Variants in NIPSNAP2 observed in about 807,000 individuals in gnomAD.
The protein encoded by NIPSNAP2 is nipsnap homolog 2, also known as protein NipSnap homolog 2.
NIPSNAP2 carries 42 observed loss-of-function variants against 48.4 expected under a neutral mutation model. That is an observed-to-expected ratio of 0.87 (90% CI 0.68 to 1.12). The LOEUF is 1.12. Ranked by LOEUF, NIPSNAP2 falls within the 50% of genes most tolerant of loss-of-function variation. The probability of loss-of-function intolerance (pLI) is 0.00; values close to 1 mark genes in which losing one functional copy is unlikely to be tolerated. For synonymous variants in NIPSNAP2, 158 were observed against 126.6 expected (o/e 1.25, Z -1.67); for missense variants, 314 against 347.3 (o/e 0.90, Z 0.76).
chr7:55,983,820 G>A lies in NIPSNAP2; in HGVS notation c.537G>A (p.Val179=). 1 of 1,614,018 alleles carries A rather than the reference G, an allele frequency of 6.2e-7. No individual in the cohort carries two copies. Among genetic ancestry groups the A allele is most frequent in the Non-Finnish European group, 8.5e-7 (1 of 1,179,948 alleles). The stretch of plus-strand genomic sequence containing the variant: ...AGTTCAGTTTCTGGAATGAGCCTGT[G>A]CCAAGATCCGGACCTAATATATATG... The part of the protein sequence containing the change: ...LLEFSFWNEP[V]PRSGPNIYEL... The change falls in exon 6 of 10, where the codon GTG becomes GTA. Residue 179 remains valine (V), a synonymous_variant. Transcript: ENST00000322090.
rs776360213 is a variant in NIPSNAP2 at position 55,978,366 on chromosome 7, G to A, written c.249G>A (p.Pro83=). 6 of 1,613,338 alleles carry A rather than the reference G, an allele frequency of 3.7e-6. No individual in the cohort carries two copies. The highest frequency in any genetic ancestry group is 2.2e-5 in the South Asian group (2 of 90,890). ...TTGTTTCAGTTCACAATGTTAAACC[G>A]GAATGCCTAGAAGCATACAACAAAA... is the stretch of plus-strand genomic sequence containing the variant. The part of the protein sequence containing the change: ...LYKLQFHNVK[P]ECLEAYNKIC... Residue 83 remains proline (P), a synonymous_variant, in exon 3 of 10, where the codon CCG becomes CCA. Transcript: ENST00000322090.
intron 7 of NIPSNAP2, chr7:55,991,760 A>AT (rs201610266): frequency 0.13 from 21,631 of 172,574 alleles, 1,556 homozygotes; most frequent in East Asian, 0.21. Context: ...AAAAAAAAAA[A>AT]AAAAAATATA....
chr7:55,981,380 T>A lies in NIPSNAP2; in HGVS notation c.279-93T>A, dbSNP rs1787212573. On this transcript the variant is annotated intron_variant, in intron 3 of 9. Coordinates refer to ENST00000322090, the MANE Select transcript of NIPSNAP2 (RefSeq NM_001483.3). ...TAAGGTCAGTTGTTAGAACACAGAG[T>A]AGGTGGTCTTTTTCCTGTTACTGAT... 3.8e-6 allele frequency: 3 copies of A among 796,288 alleles called. No individual in the cohort carries two copies. The Admixed American group carries it at 5.7e-5, about 15-fold the overall frequency. 49.3% of individuals were successfully genotyped at this position (796,288 alleles called of 1,614,324 possible).
In NIPSNAP2 at chr7:55,999,954, C is replaced by T. The variant is rs931597664; in HGVS notation, c.*882C>T. On this transcript the variant is annotated 3_prime_UTR_variant, in exon 10 of 10. Coordinates refer to ENST00000322090, the MANE Select transcript of NIPSNAP2 (RefSeq NM_001483.3). ...TGTTGAGATTTAAATTGGCATAAAG[C>T]TGCATACTTTTTGTCTAGCTGTTTG... 2.0e-5 allele frequency: 3 copies of T among 152,552 alleles called. No homozygotes were observed. 9.4% of individuals were successfully genotyped at this position (152,552 alleles called of 1,614,324 possible).
chr7:55,966,642 C>T lies in NIPSNAP2; in HGVS notation c.92+1941C>T, dbSNP rs140007955. ...ACAAAAAATACAAAAATTAGCCCGG[C>T]ATGGTGGCACACGCCTGTAGTCCCA... is the stretch of plus-strand genomic sequence containing the variant. On this transcript the variant is annotated intron_variant, in intron 1 of 9. Coordinates refer to ENST00000322090, the MANE Select transcript of NIPSNAP2 (RefSeq NM_001483.3). Among the ~76,000 whole-genome samples the T allele has an allele frequency of 4.6e-5, 7 of 152,154 alleles. No homozygotes were observed. The East Asian group carries it at 9.7e-4, about 21-fold the overall frequency.
chr7:55,987,997 G>T (rs1026107129), intron 7 of NIPSNAP2, among the ~76,000 whole-genome samples: 1 of 152,086 alleles, frequency 6.6e-6, no homozygotes, highest in South Asian at 2.1e-4. Context: ...TTTAGGCCAG[G>T]TGCAGTGGCT....
chr7:55,988,735 T>C (rs569845988), intron 7 of NIPSNAP2, among the ~76,000 whole-genome samples: 4 of 152,068 alleles, frequency 2.6e-5, no homozygotes, highest in Admixed American at 6.6e-5. Context: ...CATGTTGGTG[T>C]GCACCTGTAA....
At chr7:55,988,864 CAAAAA>C (rs34603776) in intron 7 of NIPSNAP2, among the ~76,000 whole-genome samples, 1 of 150,930 alleles carries the variant, frequency 6.6e-6, no homozygotes, top group African/African-American at 2.4e-5. Context: ...GACTCCATCT[CAAAAA>C]AAAGAAAAAA....
intron 9 of NIPSNAP2, among the ~76,000 whole-genome samples, chr7:55,998,650 G>T (rs1395300364): frequency 6.6e-6 from 1 of 151,674 alleles, no homozygotes; most frequent in African/African-American, 2.4e-5. Flanking sequence ...ACAGGCAGGC[G>T]CCACCACACC....
At position 55,982,225 on chromosome 7, in the gene NIPSNAP2, A is replaced by G. The variant is rs144366493; in HGVS notation, c.389A>G (p.Tyr130Cys). ...TGCATTTCAGTCCACCTCTGGAGGT[A>G]TGAAGGAGGCTATCCAGCCCTCACA... ...EQDQAVHLWRYEGGYPALTEV... is the reference protein window; with the variant it reads ...EQDQAVHLWRCEGGYPALTEV... The change falls in exon 5 of 10, where the codon TAT becomes TGT. Residue 130 changes from tyrosine to cysteine, a missense_variant. Around this residue, in one of 2 missense-constraint regions of NIPSNAP2, gnomAD observed 198 missense variants for 185.5 expected, o/e 1.07. Transcript: ENST00000322090. The G allele has an allele frequency of 4.0e-4, 643 of 1,607,342 alleles. 1 individual carries two copies. The highest frequency in any genetic ancestry group is 7.0e-4 in the Admixed American group (42 of 59,932).
intron 7 of NIPSNAP2, among the ~76,000 whole-genome samples, chr7:55,988,492 T>C (rs76744797): frequency 0.041 from 6,261 of 152,136 alleles, 162 homozygotes; most frequent in Admixed American, 0.06. Flanking sequence ...GAGGAGAAAG[T>C]GGACCCTTCC....
intron 1 of NIPSNAP2, among the ~76,000 whole-genome samples, chr7:55,967,732 T>C (rs1277543499): frequency 6.6e-6 from 1 of 151,884 alleles, no homozygotes; most frequent in Non-Finnish European, 1.5e-5. Context: ...CCCTGCAACC[T>C]CCACCTCCTG....
At chr7:55,967,538 C>G (rs921365667) in intron 1 of NIPSNAP2, among the ~76,000 whole-genome samples, 2 of 151,922 alleles carry the variant, frequency 1.3e-5, no homozygotes, top group Non-Finnish European at 2.9e-5. Context: ...ATGACCACGG[C>G]TCACTGCAGC....
intron 9 of NIPSNAP2, 88 bp from the exon 10 acceptor site, chr7:55,998,920 G>T: frequency 9.1e-7 from 1 of 1,093,468 alleles, no homozygotes; most frequent in South Asian, 1.3e-5. Context: ...GCACATCTGT[G>T]AACATTCTCG....
intron 9 of NIPSNAP2, among the ~76,000 whole-genome samples, chr7:55,997,997 G>A (rs1199127303): frequency 6.6e-6 from 1 of 152,168 alleles, no homozygotes; most frequent in African/African-American, 2.4e-5. Flanking sequence ...CATTGGTAGA[G>A]GTAATCAGTA....
In NIPSNAP2 at chr7:55,964,622, G is replaced by C. The variant is rs990658086; in HGVS notation, c.13G>C (p.Val5Leu). ...GGCGCCGAGCAAGATGGCGGCGCGA[G>C]TGCTGCGCGCCCGCGGAGCGGCCTG... MAAR[V>L]LRARGAAWAG... The change falls in exon 1 of 10, where the codon GTG becomes CTG. Residue 5 changes from valine to leucine, a missense_variant. By Grantham distance (32) the Val-to-Leu change is conservative (BLOSUM62 1). Coordinates refer to ENST00000322090, the MANE Select transcript of NIPSNAP2 (RefSeq NM_001483.3). 9.5e-6 allele frequency: 10 copies of C among 1,051,564 alleles called. No individual in the cohort carries two copies. The highest frequency in any genetic ancestry group is 1.1e-5 in the Non-Finnish European group (10 of 874,400). The allele number at this position is 1,051,564 out of a possible 1,614,324, so 65.1% of individuals were successfully genotyped here. A position where few individuals can be genotyped will look rare whatever the true frequency, so the allele number is the denominator to read the frequency against.
chr7:55,969,698 A>G (rs1786974605), intron 1 of NIPSNAP2, among the ~76,000 whole-genome samples: 1 of 152,140 alleles, frequency 6.6e-6, no homozygotes, highest in Admixed American at 6.6e-5. Context: ...AACAGTGATC[A>G]TATTGCCGGG....
At chr7:55,984,012 G>T in intron 6 of NIPSNAP2, 144 bp downstream of exon 6, 2 of 328,550 alleles carry the variant, frequency 6.1e-6, no homozygotes, top group Non-Finnish European at 1.0e-5. Flanking sequence ...TTTAAGACTG[G>T]GTCTCACACT....
At position 55,999,227 on chromosome 7, in the gene NIPSNAP2, C is replaced by A; in HGVS notation, c.*155C>A. The A allele has an allele frequency of 1.5e-6, 1 of 647,408 alleles. No individual in the cohort carries two copies. The highest frequency in any genetic ancestry group is 1.9e-5 in the South Asian group (1 of 51,590). 40.1% of individuals were successfully genotyped at this position (647,408 alleles called of 1,614,324 possible). On this transcript the variant is annotated 3_prime_UTR_variant, in exon 10 of 10. Coordinates refer to ENST00000322090, the MANE Select transcript of NIPSNAP2 (RefSeq NM_001483.3). ...CTCTTTTCTTTAAAATTTACATAAT[C>A]ACAAGAAAGGAAAGAATTACAGTTG...
Sources: allele counts gnomAD v4.1 joint callset (sites outside exome capture counted in the v4.1 genomes callset), GRCh38; gene constraint gnomAD v4.1.1; regional missense constraint gnomAD v4.1.1; transcripts MANE v1.5; gene names NCBI Gene and HGNC (gene_info 2026-07-23, HGNC 2026-07-21).